UBE3B: variants seen among roughly 807,000 people sequenced by gnomAD.
UBE3B encodes the protein ubiquitin-protein ligase E3B.
In UBE3B, 80 loss-of-function variants were observed where a neutral mutation model predicts 132.3. The observed-to-expected ratio is 0.60, with a 90% CI of 0.50 to 0.73. The LOEUF is 0.73. UBE3B is among the 30% of genes least tolerant of loss of function. The probability of loss-of-function intolerance (pLI) is 0.00; values close to 1 mark genes in which losing one functional copy is unlikely to be tolerated. For synonymous variants in UBE3B, 487 were observed against 520.4 expected, an observed-to-expected ratio of 0.94 and a Z score of 0.87; for missense variants, 1,196 against 1,362.5, an observed-to-expected ratio of 0.88 and a Z score of 1.92.
intron 24 of UBE3B, 103 bp downstream of exon 24, chr12:109,526,519 GA>G: frequency 8.2e-7 from 1 of 1,224,978 alleles, no homozygotes; most frequent in Non-Finnish European, 1.2e-6. Flanking sequence ...GAAGTAGAAA[GA>G]GGCCATAAAT....
At chr12:109,498,003 T>C (rs551980353) in intron 10 of UBE3B, 80 bp downstream of exon 10, 416 of 1,496,766 alleles carry the variant, frequency 2.8e-4, no homozygotes, top group Non-Finnish European at 3.5e-4. Flanking sequence ...GTAAAATGGC[T>C]TCTCTGCTTA....
Position 109,499,782 on chromosome 12 carries a change from G to A in UBE3B, c.1090G>A (p.Gly364Ser). 1 of 1,609,240 alleles carries A rather than the reference G, an allele frequency of 6.2e-7. No homozygotes were observed. The highest frequency in any genetic ancestry group is 8.5e-7 in the Non-Finnish European group (1 of 1,177,440). The change falls in exon 12 of 28, where the codon GGC becomes AGC. Residue 364 changes from glycine to serine, a missense_variant. Coordinates refer to ENST00000342494, the MANE Select transcript of UBE3B (RefSeq NM_130466.4). ...CCTGACCCACTGGCATCCTGTCCTTGGCTGGTTCTCCCAATCTGTGGATTA... is the reference window on the plus strand; with the variant it reads ...CCTGACCCACTGGCATCCTGTCCTTAGCTGGTTCTCCCAATCTGTGGATTA... Reference protein sequence around the residue: ...SNLTHWHPVLGWFSQSVDYGL... With the variant: ...SNLTHWHPVLSWFSQSVDYGL...
chr12:109,547,715 C>T, the UBE3B span, among the ~76,000 whole-genome samples: 3 of 152,190 alleles, frequency 2.0e-5, no homozygotes, highest in Admixed American at 1.3e-4. This position sits in a 1 kb window ranked among gnomAD's most constrained non-coding sequence, Gnocchi z 4.1. Flanking sequence ...CCAACACACG[C>T]CAAAACCCTA....
chr12:109,534,114 C>G lies in UBE3B; in HGVS notation c.3016-477C>G, dbSNP rs1024827550. The G allele has an allele frequency of 6.9e-6, 9 of 1,295,424 alleles. No individual in the cohort carries two copies. In the Admixed American group the frequency reaches 1.4e-4, roughly 20 times the overall value. 80.2% of individuals were successfully genotyped at this position (1,295,424 alleles called of 1,614,324 possible). The stretch of plus-strand genomic sequence containing the variant: ...AGTGGCCGCCTCTGGGTGTAGCTGC[C>G]TCTCATGATGCAGTTTGAGCCCGTG... On this transcript the variant is annotated intron_variant, in intron 27 of 27. Coordinates refer to ENST00000342494, the MANE Select transcript of UBE3B (RefSeq NM_130466.4). This position sits in a 1 kb window ranked among gnomAD's most constrained non-coding sequence, Gnocchi z 5.2.
chr12:109,523,863 G>A, intron 21 of UBE3B, 115 bp from the exon 22 acceptor site: 2 of 1,450,758 alleles, frequency 1.4e-6, no homozygotes, highest in Non-Finnish European at 9.4e-7. Context: ...AACTTAGGAG[G>A]GGCCTGGAAA....
intron 18 of UBE3B, 144 bp from the exon 19 acceptor site, chr12:109,516,621 C>G: frequency 7.8e-7 from 1 of 1,287,826 alleles, no homozygotes; most frequent in African/African-American, 1.5e-5. Flanking sequence ...TCTCACAGGA[C>G]ACTTCTAACT....
intron 18 of UBE3B, among the ~76,000 whole-genome samples, chr12:109,511,574 G>C (rs1370493962): frequency 3.3e-5 from 5 of 152,224 alleles, no homozygotes; most frequent in Non-Finnish European, 2.9e-5. Context: ...ACAGGAAAGG[G>C]TCCCACGGGC....
chr12:109,505,968 A>G (rs1879610625), intron 14 of UBE3B, among the ~76,000 whole-genome samples: 1 of 152,240 alleles, frequency 6.6e-6, no homozygotes, highest in Non-Finnish European at 1.5e-5. Flanking sequence ...TCAGTGACAC[A>G]TGGCATTTCA....
chr12:109,540,796 TACA>T (rs545476248), downstream of UBE3B, among the ~76,000 whole-genome samples: 8 of 152,352 alleles, frequency 5.3e-5, no homozygotes, highest in South Asian at 1.7e-3. Context: ...CAAGTTATTT[TACA>T]ACAAGAACAT....
chr12:109,511,437 C>T (rs760450811), intron 18 of UBE3B, 134 bp downstream of exon 18: 6 of 797,414 alleles, frequency 7.5e-6, no homozygotes, highest in Non-Finnish European at 8.0e-6. Context: ...ACGGTGGTTG[C>T]TATTACTTTG....
the UBE3B span, among the ~76,000 whole-genome samples, chr12:109,543,217 A>C: frequency 6.6e-6 from 1 of 152,248 alleles, no homozygotes; most frequent in Non-Finnish European, 1.5e-5. Context: ...TGAACACTGC[A>C]GATGTGTCAG....
chr12:109,542,913 C>A, the UBE3B span, among the ~76,000 whole-genome samples: 2 of 152,152 alleles, frequency 1.3e-5, no homozygotes, highest in African/African-American at 4.8e-5. Context: ...GATTTTGAGA[C>A]CAGACAGATT....
intron 7 of UBE3B, 148 bp from the exon 8 acceptor site, chr12:109,489,771 C>T: frequency 1.4e-6 from 1 of 712,316 alleles, no homozygotes; most frequent in Non-Finnish European, 2.4e-6. Context: ...TTTCTGTGCT[C>T]TGGCACCAGG....
chr12:109,517,571 T>A (rs1191763463), intron 19 of UBE3B, among the ~76,000 whole-genome samples: 1 of 152,194 alleles, frequency 6.6e-6, no homozygotes, highest in Non-Finnish European at 1.5e-5. Flanking sequence ...GATGTCTGTG[T>A]TATCCATGCC....
intron 24 of UBE3B, among the ~76,000 whole-genome samples, chr12:109,526,624 G>A (rs1173170642): frequency 6.6e-6 from 1 of 152,174 alleles, no homozygotes; most frequent in Admixed American, 6.5e-5. Context: ...TATAATCCCA[G>A]CACTTTGTTA....
chr12:109,484,424 CTCTG>C (rs1468858883), intron 4 of UBE3B, among the ~76,000 whole-genome samples: 1 of 152,140 alleles, frequency 6.6e-6, no homozygotes, highest in African/African-American at 2.4e-5. Context: ...TGAAGTCTCT[CTCTG>C]TCGCCAGGCT....
At chr12:109,517,793 G>A (rs1814923978) in intron 19 of UBE3B, 2 of 302,574 alleles carry the variant, frequency 6.6e-6, no homozygotes, top group South Asian at 5.3e-5. Flanking sequence ...GGGATCCCCT[G>A]AAGTATGTGG....
intron 9 of UBE3B, 140 bp downstream of exon 9, chr12:109,491,267 A>G (rs1159428900): frequency 2.9e-6 from 2 of 683,570 alleles, no homozygotes; most frequent in East Asian, 5.8e-5. Context: ...TCTTAATGAA[A>G]GTGAGCACAT....
chr12:109,544,561 G>A, the UBE3B span, among the ~76,000 whole-genome samples: 3 of 152,174 alleles, frequency 2.0e-5, no homozygotes, highest in African/African-American at 4.8e-5. Context: ...TGGGTAAGTC[G>A]GCCCTCAGCC....
Sources: allele counts gnomAD v4.1 joint callset (sites outside exome capture counted in the v4.1 genomes callset), GRCh38; gene constraint gnomAD v4.1.1; non-coding constraint Gnocchi (gnomAD v3.1); transcripts MANE v1.5; gene names NCBI Gene and HGNC (gene_info 2026-07-23, HGNC 2026-07-21).